The following MRAP2 variants were observed in gnomAD, a reference collection of about 807,000 sequenced individuals.
MRAP2 encodes the protein melanocortin 2 receptor accessory protein 2.
In MRAP2, 20 loss-of-function variants were observed where a neutral mutation model predicts 17.4. That is an observed-to-expected ratio of 1.15 (90% CI 0.81 to 1.67). MRAP2 has a LOEUF of 1.67. MRAP2 is among the 40% of genes most tolerant of loss of function. The pLI, the probability that MRAP2 is intolerant of heterozygous loss-of-function variation, is 0.00. For synonymous variants in MRAP2, 96 were observed against 88.4 expected, an observed-to-expected ratio of 1.09 and a Z score of -0.48; for missense variants, 238 against 240.0, an observed-to-expected ratio of 0.99 and a Z score of 0.05.
intron 3 of MRAP2, among the ~76,000 whole-genome samples, chr6:84,071,483 C>T (rs1435439919): frequency 1.3e-5 from 2 of 152,130 alleles, no homozygotes; most frequent in Non-Finnish European, 2.9e-5. Flanking sequence ...TTATAGGTTA[C>T]CTAATGCTTC....
At position 84,034,382 on chromosome 6, in the gene MRAP2, A is replaced by G. The variant is rs549517613; in HGVS notation, c.-8+499A>G. On this transcript the variant is annotated intron_variant, in intron 1 of 3. Coordinates refer to ENST00000257776, the MANE Select transcript of MRAP2 (RefSeq NM_138409.4). The stretch of plus-strand genomic sequence containing the variant: ...GTTCTCAGATGATGCCTGGCTTGAC[A>G]GTTGCTCATTCATTTTGTTTGGACT... 5.3e-5 allele frequency among the ~76,000 whole-genome samples: 8 copies of G among 152,176 alleles called. No individual in the cohort carries two copies. In the East Asian group the frequency reaches 1.6e-3, roughly 30 times the overall value.
At chr6:84,053,481 T>C (rs2099490955) in intron 1 of MRAP2, among the ~76,000 whole-genome samples, 1 of 152,206 alleles carries the variant, frequency 6.6e-6, no homozygotes, top group African/African-American at 2.4e-5. Context: ...TTTATTTGTC[T>C]AGGCACCGTG....
Position 84,089,293 on chromosome 6 carries a change from C to T in MRAP2, c.430C>T (p.Leu144Phe). ...QTTALDSDVQ[L>F]QEAIRSSGQP... ...CACAGCCCTTGACAGTGACGTCCAA[C>T]TCCAGGAAGCCATCAGAAGCAGTGG... is the stretch of plus-strand genomic sequence containing the variant. The change falls in exon 4 of 4, where the codon CTC (leucine) becomes TTC (phenylalanine). Residue 144 changes from leucine to phenylalanine, a missense_variant. Physicochemically the swap from Leu to Phe is conservative, Grantham distance 22. Coordinates refer to ENST00000257776, the MANE Select transcript of MRAP2 (RefSeq NM_138409.4). 6.2e-7 allele frequency: 1 copy of T among 1,614,214 alleles called. No individual in the cohort carries two copies. The highest frequency in any genetic ancestry group is 8.5e-7 in the Non-Finnish European group (1 of 1,180,032).
chr6:84,055,461 T>G lies in MRAP2; in HGVS notation c.127+16T>G, dbSNP rs2099491450. ...GCTCATAAATGTAAGTTTTATACAA[T>G]TCCTCATTGAAAGCATAATTGTATT... On this transcript the variant is annotated intron_variant, in intron 2 of 3. Coordinates refer to ENST00000257776, the MANE Select transcript of MRAP2 (RefSeq NM_138409.4). 1 of 1,607,808 alleles carries G rather than the reference T, an allele frequency of 6.2e-7. No homozygotes were observed. The highest frequency in any genetic ancestry group is 8.5e-7 in the Non-Finnish European group (1 of 1,176,974).
chr6:84,091,239 C>CTTTTTTTT (rs34508361), downstream of MRAP2, among the ~76,000 whole-genome samples: 5 of 108,064 alleles, frequency 4.6e-5, no homozygotes, highest in African/African-American at 1.2e-4. Flanking sequence ...AGTTTGTTAA[C>CTTTTTTTT]TTTTTTTTTT....
chr6:84,061,043 A>G (rs1485962688), intron 2 of MRAP2, among the ~76,000 whole-genome samples: 1 of 151,890 alleles, frequency 6.6e-6, no homozygotes, highest in African/African-American at 2.4e-5. Flanking sequence ...TTAAAAGGCA[A>G]AGTATACAAT....
rs938274886 is a variant in MRAP2 at position 84,062,609 on chromosome 6, G to C, written c.128-284G>C. The C allele has an allele frequency of 1.8e-5, 18 of 985,270 alleles. No individual in the cohort carries two copies. The African/African-American group carries it at 3.0e-4, about 16-fold the overall frequency. The allele number at this position is 985,270 out of a possible 1,614,324, so 61.0% of individuals were successfully genotyped here. A position where few individuals can be genotyped will look rare whatever the true frequency, so the allele number is the denominator to read the frequency against. ...ACATTAGTGGAATCTTGAGGTCCTA[G>C]ATAACCTATGCTCTGGTCTAGGTTC... On this transcript the variant is annotated intron_variant, in intron 2 of 3. Transcript: ENST00000257776.
the MRAP2 span, chr6:84,124,214 C>G: frequency 6.6e-6 from 1 of 152,024 alleles, no homozygotes; most frequent in African/African-American, 2.4e-5. Flanking sequence ...TACTGGGAAT[C>G]TACCCAAAGG....
chr6:84,133,657 T>G, the MRAP2 span, among the ~76,000 whole-genome samples: 2 of 152,206 alleles, frequency 1.3e-5, no homozygotes, highest in African/African-American at 2.4e-5. Context: ...CATTGGACCC[T>G]CTGAGCCATG....
chr6:84,134,486 A>G, the MRAP2 span, among the ~76,000 whole-genome samples: 2 of 152,176 alleles, frequency 1.3e-5, no homozygotes, highest in Non-Finnish European at 2.9e-5. Flanking sequence ...TAGGCACCCA[A>G]GTGAATCTTC....
At chr6:84,083,294 T>C (rs529250405) in intron 3 of MRAP2, among the ~76,000 whole-genome samples, 1 of 152,358 alleles carries the variant, frequency 6.6e-6, no homozygotes, top group African/African-American at 2.4e-5. Context: ...CAATTATACC[T>C]GGATTACTCA....
the MRAP2 span, among the ~76,000 whole-genome samples, chr6:84,130,094 C>T: frequency 6.6e-6 from 1 of 152,190 alleles, no homozygotes; most frequent in South Asian, 2.1e-4. Flanking sequence ...TTGTCGAAGG[C>T]CTCTTCTGCA....
chr6:84,041,734 A>G lies in MRAP2; in HGVS notation c.-8+7851A>G, dbSNP rs111246900. 2.3e-3 allele frequency among the ~76,000 whole-genome samples: 348 copies of G among 152,262 alleles called. 1 individual carries two copies. Among genetic ancestry groups the G allele is most frequent in the African/African-American group, 7.7e-3 (319 of 41,548 alleles). ...GCCTGTAGCCCCTTTGTTTTGGCCA[A>G]TTTCTCCCATTTGGAACAGTTGTAT... On this transcript the variant is annotated intron_variant, in intron 1 of 3. Transcript: ENST00000257776.
chr6:84,119,585 C>T, the MRAP2 span, among the ~76,000 whole-genome samples: 1 of 152,294 alleles, frequency 6.6e-6, no homozygotes, highest in African/African-American at 2.4e-5. Context: ...TGAGCTCATC[C>T]TTTTAAAAAT....
At chr6:84,096,036 A>T in the MRAP2 span, among the ~76,000 whole-genome samples, 10 of 152,222 alleles carry the variant, frequency 6.6e-5, no homozygotes, top group Non-Finnish European at 1.3e-4. Flanking sequence ...CATAAAATCC[A>T]TACTGGAGAG....
At chr6:84,113,939 CG>C in the MRAP2 span, among the ~76,000 whole-genome samples, 694 of 152,260 alleles carry the variant, frequency 4.6e-3, 8 homozygotes, top group African/African-American at 0.016. Context: ...GGGTTTCTGC[CG>C]AGAGATCTGT....
the MRAP2 span, among the ~76,000 whole-genome samples, chr6:84,112,388 C>T: frequency 6.6e-6 from 1 of 152,142 alleles, no homozygotes; most frequent in Non-Finnish European, 1.5e-5. Context: ...AGTTAATTTG[C>T]ACAGGGGTGT....
chr6:84,067,501 A>G (rs2099495047), intron 3 of MRAP2, among the ~76,000 whole-genome samples: 1 of 152,238 alleles, frequency 6.6e-6, no homozygotes, highest in Non-Finnish European at 1.5e-5. Flanking sequence ...CTACACCAGC[A>G]GTGTAGAAGT....
At chr6:84,055,610 C>A (rs1428222608) in intron 2 of MRAP2, among the ~76,000 whole-genome samples, 165 bp downstream of exon 2, 1 of 152,172 alleles carries the variant, frequency 6.6e-6, no homozygotes, top group Non-Finnish European at 1.5e-5. Flanking sequence ...AGGCTGATTG[C>A]TCAGGAATGG....
Sources: gnomAD v4.1 joint callset for allele counts (sites outside exome capture counted in the v4.1 genomes callset) on GRCh38, gnomAD v4.1.1 for gene constraint, MANE v1.5 for transcripts, NCBI Gene and HGNC (gene_info 2026-07-23, HGNC 2026-07-21) for gene names.